The following PARD3 variants were observed in gnomAD, a reference collection of about 807,000 sequenced individuals.
The protein encoded by PARD3 is partitioning defective 3 homolog.
In PARD3, 75 loss-of-function variants were observed where a neutral mutation model predicts 155.4. The observed-to-expected ratio is 0.48, with a 90% CI of 0.40 to 0.58. The LOEUF is 0.58. Ranked by LOEUF, PARD3 falls within the 20% of genes least tolerant of loss-of-function variation. PARD3 has a pLI of 0.00. For synonymous variants in PARD3, 576 were observed against 610.5 expected, an observed-to-expected ratio of 0.94 and a Z score of 0.83; for missense variants, 1,642 against 1,721.7, an observed-to-expected ratio of 0.95 and a Z score of 0.82.
chr10:34,307,332 G>A (rs948651440), intron 20 of PARD3, among the ~76,000 whole-genome samples: 1 of 152,128 alleles, frequency 6.6e-6, no homozygotes, highest in African/African-American at 2.4e-5. Context: ...GGGGAGGAAA[G>A]GCTGTCACAA....
intron 22 of PARD3, among the ~76,000 whole-genome samples, chr10:34,240,757 C>T (rs1953532962): frequency 6.6e-6 from 1 of 152,126 alleles, no homozygotes; most frequent in East Asian, 1.9e-4. Context: ...CTCCCCCTTC[C>T]TGTCTCCAGA....
At chr10:34,206,711 T>G (rs935480549) in intron 22 of PARD3, among the ~76,000 whole-genome samples, 2 of 152,150 alleles carry the variant, frequency 1.3e-5, no homozygotes, top group African/African-American at 4.8e-5. Flanking sequence ...ATTTACAAAT[T>G]TCTAGAAAAA....
At chr10:34,270,637 A>G (rs1392774485) in intron 21 of PARD3, among the ~76,000 whole-genome samples, 2 of 152,174 alleles carry the variant, frequency 1.3e-5, no homozygotes, top group African/African-American at 4.8e-5. Flanking sequence ...CTCATTATTA[A>G]TACACCATAA....
chr10:34,417,272 G>A (rs748309002), intron 5 of PARD3, among the ~76,000 whole-genome samples: 12 of 152,008 alleles, frequency 7.9e-5, no homozygotes, highest in South Asian at 2.1e-4. Context: ...TCTGTGCAGC[G>A]GGAAGGAAGA....
intron 2 of PARD3, among the ~76,000 whole-genome samples, chr10:34,637,782 A>G (rs1230971302): frequency 6.6e-6 from 1 of 152,232 alleles, no homozygotes; most frequent in Non-Finnish European, 1.5e-5. Flanking sequence ...TTGAAGGAGC[A>G]AGAGAAACAA....
At chr10:34,149,454 G>T (rs1268187520) in intron 22 of PARD3, among the ~76,000 whole-genome samples, 1 of 152,020 alleles carries the variant, frequency 6.6e-6, no homozygotes, top group Non-Finnish European at 1.5e-5. Context: ...TATATCTTCA[G>T]ATTTGACCAA....
intron 22 of PARD3, among the ~76,000 whole-genome samples, chr10:34,260,125 C>T (rs1461035591): frequency 1.3e-5 from 2 of 152,148 alleles, no homozygotes; most frequent in African/African-American, 4.8e-5. Context: ...CAGGTGGGTA[C>T]CACCATGCCC....
chr10:34,716,585 C>CTTTTT lies in PARD3; in HGVS notation c.121-20171_121-20167dup, dbSNP rs34751073. On this transcript the variant is annotated intron_variant, in intron 1 of 24. Coordinates refer to ENST00000374788, the MANE Select transcript of PARD3 (RefSeq NM_001184785.2). The stretch of plus-strand genomic sequence containing the variant: ...CTACGTGTGGCCCAGGATGGCTTTT[C>CTTTTT]TTTTTTTTTTTTTTTTTTTTTTTTG... Among the ~76,000 whole-genome samples, 154 of 73,228 alleles carry CTTTTT rather than the reference C, an allele frequency of 2.1e-3. 1 individual carries two copies. The highest frequency in any genetic ancestry group is 3.6e-3 in the Admixed American group (19 of 5,250). 48.0% of individuals were successfully genotyped at this position (73,228 alleles called of 152,430 possible). A position where few individuals can be genotyped will look rare whatever the true frequency, so the allele number is the denominator to read the frequency against.
chr10:34,578,384 C>T (rs953775335), intron 2 of PARD3, among the ~76,000 whole-genome samples: 1 of 152,148 alleles, frequency 6.6e-6, no homozygotes, highest in Admixed American at 6.5e-5. Context: ...TCAAAATTCA[C>T]AAAATTGCAA....
At chr10:34,143,601 G>GA (rs1455922719) in intron 22 of PARD3, among the ~76,000 whole-genome samples, 1 of 152,078 alleles carries the variant, frequency 6.6e-6, no homozygotes, top group East Asian at 1.9e-4. Flanking sequence ...TTTTTTAAAA[G>GA]AAAAAATTCC....
intron 2 of PARD3, among the ~76,000 whole-genome samples, chr10:34,629,877 TAC>T (rs1163181468): frequency 1.3e-5 from 2 of 152,318 alleles, no homozygotes; most frequent in African/African-American, 4.8e-5. Flanking sequence ...AAGCAAATAT[TAC>T]AGATAGAATA....
intron 1 of PARD3, among the ~76,000 whole-genome samples, chr10:34,732,173 GA>G (rs1225225342): frequency 2.0e-5 from 3 of 150,688 alleles, no homozygotes; most frequent in South Asian, 2.1e-4. Flanking sequence ...TGAAAGGTAA[GA>G]AAAAAAAAGA....
chr10:34,731,108 C>T (rs1285741263), intron 1 of PARD3, among the ~76,000 whole-genome samples: 3 of 111,622 alleles, frequency 2.7e-5, no homozygotes, highest in Non-Finnish European at 4.1e-5. Flanking sequence ...CTGTTGAATA[C>T]GCTATGAGCA....
intron 22 of PARD3, among the ~76,000 whole-genome samples, chr10:34,171,950 C>CAA (rs71033303): frequency 0.022 from 1,053 of 47,240 alleles, 83 homozygotes; most frequent in East Asian, 0.071. Context: ...GACTCCATCT[C>CAA]AAAAAAAAAA....
chr10:34,135,503 C>A (rs1344140641), intron 22 of PARD3, among the ~76,000 whole-genome samples: 1 of 152,168 alleles, frequency 6.6e-6, no homozygotes, highest in Non-Finnish European at 1.5e-5. Context: ...ACGGGGATTG[C>A]AGTCTTTGAT....
intron 2 of PARD3, among the ~76,000 whole-genome samples, chr10:34,542,027 C>T (rs1233223096): frequency 6.6e-6 from 1 of 152,152 alleles, no homozygotes; most frequent in African/African-American, 2.4e-5. Flanking sequence ...AGGCAAGCAA[C>T]ACCGCCCCTG....
chr10:34,126,886 T>C (rs528254159), intron 23 of PARD3, among the ~76,000 whole-genome samples: 4 of 151,552 alleles, frequency 2.6e-5, no homozygotes, highest in East Asian at 3.9e-4. Flanking sequence ...ATTTCTAAGG[T>C]AATCAGCCTG....
intron 7 of PARD3, among the ~76,000 whole-genome samples, chr10:34,396,444 T>A (rs938344253): frequency 3.3e-5 from 5 of 152,190 alleles, no homozygotes; most frequent in Non-Finnish European, 7.3e-5. Flanking sequence ...CTCTCTAACG[T>A]TAACTTCACA....
chr10:34,805,042 T>G (rs187417157), intron 1 of PARD3, among the ~76,000 whole-genome samples: 2 of 152,148 alleles, frequency 1.3e-5, no homozygotes, highest in Middle Eastern at 3.2e-3. Context: ...TTTTCTAATC[T>G]AAAGGGATGC....
Sources: allele counts gnomAD v4.1 joint callset (sites outside exome capture counted in the v4.1 genomes callset), GRCh38; gene constraint gnomAD v4.1.1; transcripts MANE v1.5; gene names NCBI Gene and HGNC (gene_info 2026-07-23, HGNC 2026-07-21).